SHISA6: variants seen among roughly 807,000 people sequenced by gnomAD.
SHISA6 encodes the protein protein shisa-6.
Under a neutral mutation model 47.9 loss-of-function variants are expected in SHISA6, and 22 were observed. That is an observed-to-expected ratio of 0.46 (90% confidence interval 0.33 to 0.66). The LOEUF (loss-of-function observed/expected upper bound fraction) is 0.66. Among genes scored for constraint, SHISA6 ranks in the 30% least tolerant of loss-of-function variants. The probability of loss-of-function intolerance (pLI) is 0.02; values close to 1 mark genes in which losing one functional copy is unlikely to be tolerated. For missense variants in SHISA6, 680 were observed against 764.6 expected (o/e 0.89, Z 1.30); for synonymous variants, 388 against 337.8 (o/e 1.15, Z -1.63).
chr17:11,363,685 A>C (rs535519855), intron 2 of SHISA6, among the ~76,000 whole-genome samples: 30 of 152,286 alleles, frequency 2.0e-4, no homozygotes, highest in Non-Finnish European at 3.2e-4. Flanking sequence ...TCGACTTCAG[A>C]CCAGCTTGAA....
intron 3 of SHISA6, among the ~76,000 whole-genome samples, chr17:11,475,720 TA>T (rs1321379896): frequency 6.6e-6 from 1 of 152,090 alleles, no homozygotes; most frequent in African/African-American, 2.4e-5. Context: ...TCTATCTTCA[TA>T]AGAGATATTG....
chr17:11,341,362 T>A (rs1464708349), intron 2 of SHISA6, among the ~76,000 whole-genome samples: 3 of 117,636 alleles, frequency 2.6e-5, no homozygotes, highest in Non-Finnish European at 3.3e-5. Flanking sequence ...TGAGACAGAA[T>A]CCTGCTCTGT....
At chr17:11,534,788 G>A (rs2874640) in intron 3 of SHISA6, among the ~76,000 whole-genome samples, 61,063 of 151,894 alleles carry the variant, frequency 0.4, 12,466 homozygotes, top group East Asian at 0.57. Context: ...GCATAAAAAA[G>A]GAACTCAGTG....
chr17:11,327,644 A>G (rs1399459829), intron 2 of SHISA6, among the ~76,000 whole-genome samples: 1 of 152,196 alleles, frequency 6.6e-6, no homozygotes, highest in Non-Finnish European at 1.5e-5. Context: ...TAAAAATAAA[A>G]AAATTAGCCG....
At chr17:11,341,573 G>A (rs1467203637) in intron 2 of SHISA6, among the ~76,000 whole-genome samples, 2 of 151,948 alleles carry the variant, frequency 1.3e-5, no homozygotes, top group Non-Finnish European at 2.9e-5. Context: ...GGCCTCAAGT[G>A]ATCTCCCGCC....
intron 3 of SHISA6, among the ~76,000 whole-genome samples, chr17:11,430,731 A>G (rs1168704962): frequency 1.3e-5 from 2 of 152,178 alleles, no homozygotes; most frequent in African/African-American, 2.4e-5. Flanking sequence ...CCTGGGCATA[A>G]TAAGAACCAG....
At chr17:11,314,566 G>A (rs1200811016) in intron 2 of SHISA6, among the ~76,000 whole-genome samples, 1 of 145,188 alleles carries the variant, frequency 6.9e-6, no homozygotes, top group Non-Finnish European at 1.5e-5. Context: ...ATGGAGTCCC[G>A]CTCTTGTTCC....
chr17:11,425,146 A>G (rs1274342242), intron 3 of SHISA6, among the ~76,000 whole-genome samples: 4 of 152,082 alleles, frequency 2.6e-5, no homozygotes, highest in East Asian at 1.9e-4. Context: ...TTAAAGAAAT[A>G]TATCTACATC....
At chr17:11,376,062 G>T (rs1210745439) in intron 2 of SHISA6, among the ~76,000 whole-genome samples, 1 of 152,112 alleles carries the variant, frequency 6.6e-6, no homozygotes, top group Non-Finnish European at 1.5e-5. Context: ...GATATACATG[G>T]TTGTTTCTCT....
At chr17:11,522,359 G>A (rs2071637194) in intron 3 of SHISA6, among the ~76,000 whole-genome samples, 1 of 152,188 alleles carries the variant, frequency 6.6e-6, no homozygotes, top group South Asian at 2.1e-4. Context: ...AACCTCCTGG[G>A]CTTCAGTGAT....
chr17:11,295,143 C>T (rs1322056562), intron 2 of SHISA6, among the ~76,000 whole-genome samples: 6 of 152,188 alleles, frequency 3.9e-5, no homozygotes, highest in Non-Finnish European at 8.8e-5. Flanking sequence ...CAAATTAAAA[C>T]TTATGAGTTG....
intron 3 of SHISA6, among the ~76,000 whole-genome samples, chr17:11,550,350 C>T (rs895590266): frequency 2.0e-5 from 3 of 152,078 alleles, no homozygotes; most frequent in East Asian, 1.9e-4. Flanking sequence ...CCACTGCGCC[C>T]GGCCCTGTTG....
chr17:11,271,070 T>C (rs980380612), intron 2 of SHISA6, among the ~76,000 whole-genome samples: 1 of 152,076 alleles, frequency 6.6e-6, no homozygotes, highest in African/African-American at 2.4e-5. Flanking sequence ...AACTGTTCTT[T>C]GCAAAGCTCG....
At position 11,465,022 on chromosome 17, in the gene SHISA6, A is replaced by T. The variant is rs531458836; in HGVS notation, c.895+85513A>T. On this transcript the variant is annotated intron_variant, in intron 3 of 5. Coordinates refer to ENST00000441885, the MANE Select transcript of SHISA6 (RefSeq NM_207386.4). ...ACTTGATTATGTTTCTAGTTTTTTCATATATTTTCAGTTGCTCCACATTAC... is the reference window on the plus strand; with the variant it reads ...ACTTGATTATGTTTCTAGTTTTTTCTTATATTTTCAGTTGCTCCACATTAC... Among the ~76,000 whole-genome samples, 17 of 151,954 alleles carry T rather than the reference A, an allele frequency of 1.1e-4. No individual in the cohort carries two copies. In the South Asian group the frequency reaches 3.1e-3, roughly 28 times the overall value.
At chr17:11,334,945 G>C (rs1298125391) in intron 2 of SHISA6, among the ~76,000 whole-genome samples, 2 of 152,210 alleles carry the variant, frequency 1.3e-5, no homozygotes, top group African/African-American at 4.8e-5. Flanking sequence ...GCTTGCACCT[G>C]CACGAGGCTG....
intron 3 of SHISA6, among the ~76,000 whole-genome samples, chr17:11,418,108 C>T (rs1170981541): frequency 6.6e-6 from 1 of 152,150 alleles, no homozygotes; most frequent in African/African-American, 2.4e-5. Flanking sequence ...AGAATCAGAA[C>T]AGAATATGTC....
intron 3 of SHISA6, among the ~76,000 whole-genome samples, chr17:11,532,631 C>T (rs1447328692): frequency 6.6e-6 from 1 of 151,580 alleles, no homozygotes; most frequent in East Asian, 1.9e-4. Context: ...AAGTTAGCTA[C>T]AGACAGGGAT....
chr17:11,505,515 T>C (rs532153423), intron 3 of SHISA6, among the ~76,000 whole-genome samples: 1 of 152,322 alleles, frequency 6.6e-6, no homozygotes, highest in African/African-American at 2.4e-5. Context: ...AAACATAGTC[T>C]AGAATACACT....
intron 2 of SHISA6, among the ~76,000 whole-genome samples, chr17:11,344,798 C>T (rs1911643791): frequency 6.6e-6 from 1 of 152,120 alleles, no homozygotes; most frequent in Non-Finnish European, 1.5e-5. Context: ...CCGTTAAAAT[C>T]TCTTCTAGTC....
Sources: allele counts gnomAD v4.1 joint callset (sites outside exome capture counted in the v4.1 genomes callset), GRCh38; gene constraint gnomAD v4.1.1; transcripts MANE v1.5; gene names NCBI Gene and HGNC (gene_info 2026-07-23, HGNC 2026-07-21).